EIF4G3: variants seen among roughly 807,000 people sequenced by gnomAD.
The protein encoded by EIF4G3 is eIF-4-gamma 3.
A neutral mutation model predicts 186.4 loss-of-function variants in EIF4G3; 34 were observed. The ratio of observed to expected loss-of-function variants is 0.18; its 90% confidence interval spans 0.14 to 0.24. The LOEUF is 0.24. Ranked by LOEUF, EIF4G3 falls within the 10% of genes least tolerant of loss-of-function variation. The pLI is 1.00. For missense variants in EIF4G3, 1,536 were observed against 1,948.5 expected, an observed-to-expected ratio of 0.79 and a Z score of 3.99; for synonymous variants, 673 against 679.5, an observed-to-expected ratio of 0.99 and a Z score of 0.15.
intron 36 of EIF4G3, among the ~76,000 whole-genome samples, chr1:20,807,797 T>C (rs908659684): frequency 4.0e-5 from 6 of 149,024 alleles, no homozygotes; most frequent in Middle Eastern, 6.8e-3. Flanking sequence ...ACAATCTTGT[T>C]CTGTCCCCAG....
At chr1:21,125,544 C>A (rs1036314438) in intron 2 of EIF4G3, among the ~76,000 whole-genome samples, 25 of 151,792 alleles carry the variant, frequency 1.6e-4, no homozygotes, top group African/African-American at 5.1e-4. Context: ...CACGGTGAAA[C>A]CCTGTCTCTA....
At chr1:21,152,615 T>C (rs1435233121) in intron 2 of EIF4G3, among the ~76,000 whole-genome samples, 1 of 152,204 alleles carries the variant, frequency 6.6e-6, no homozygotes, top group East Asian at 1.9e-4. Context: ...TGGTATCTAC[T>C]ACCATGACCC....
chr1:21,007,888 A>G (rs551452199), intron 4 of EIF4G3, among the ~76,000 whole-genome samples: 6 of 152,320 alleles, frequency 3.9e-5, no homozygotes, highest in Non-Finnish European at 7.4e-5. Context: ...TATTTTATAT[A>G]CTTCTGTATT....
intron 20 of EIF4G3, among the ~76,000 whole-genome samples, chr1:20,871,274 T>C (rs1259965555): frequency 6.6e-6 from 1 of 152,144 alleles, no homozygotes; most frequent in Non-Finnish European, 1.5e-5. Flanking sequence ...ATCTCAACAA[T>C]CTAGGCTGGG....
At chr1:21,071,701 G>A (rs1209410938) in intron 3 of EIF4G3, among the ~76,000 whole-genome samples, 1 of 151,904 alleles carries the variant, frequency 6.6e-6, no homozygotes, top group East Asian at 1.9e-4. Context: ...AGCTACTCAG[G>A]AGGCTGAGGC....
chr1:21,024,323 C>G (rs1314546102), intron 4 of EIF4G3, among the ~76,000 whole-genome samples: 1 of 152,124 alleles, frequency 6.6e-6, no homozygotes, highest in Non-Finnish European at 1.5e-5. Context: ...CCCGGCCAGC[C>G]GCCCCGACCG....
At chr1:21,047,140 A>G (rs2093938261) in intron 4 of EIF4G3, among the ~76,000 whole-genome samples, 2 of 152,166 alleles carry the variant, frequency 1.3e-5, no homozygotes, top group African/African-American at 2.4e-5. Context: ...CCTAGAACCT[A>G]TGGTTTGACT....
chr1:21,068,128 T>C (rs909507830), intron 3 of EIF4G3, among the ~76,000 whole-genome samples: 3 of 151,694 alleles, frequency 2.0e-5, no homozygotes, highest in Non-Finnish European at 4.4e-5. Flanking sequence ...ATCCCAGCAC[T>C]TTGGGAGGCC....
chr1:21,148,705 TAAAAAAAAA>T, intron 2 of EIF4G3, among the ~76,000 whole-genome samples: 1 of 108,970 alleles, frequency 9.2e-6, no homozygotes, highest in South Asian at 3.1e-4. Context: ...CTGTCTCATT[TAAAAAAAAA>T]AAAAAAAAAA....
At chr1:20,923,251 A>G (rs924621176) in intron 14 of EIF4G3, among the ~76,000 whole-genome samples, 1 of 152,202 alleles carries the variant, frequency 6.6e-6, no homozygotes, top group African/African-American at 2.4e-5. Flanking sequence ...TCATTAAAAA[A>G]ATAAAATGGC....
intron 14 of EIF4G3, among the ~76,000 whole-genome samples, chr1:20,910,864 T>TA (rs938845852): frequency 4.6e-5 from 7 of 152,210 alleles, no homozygotes; most frequent in African/African-American, 1.7e-4. Context: ...AATATTTATG[T>TA]AAAAACTGGA....
intron 2 of EIF4G3, among the ~76,000 whole-genome samples, chr1:21,101,537 T>C (rs1166939512): frequency 5.5e-5 from 6 of 108,458 alleles, no homozygotes; most frequent in Non-Finnish European, 1.1e-4. Flanking sequence ...ACCACTACAC[T>C]CTAGCCTGGG....
intron 4 of EIF4G3, among the ~76,000 whole-genome samples, chr1:21,043,181 A>G (rs1262379410): frequency 2.0e-5 from 3 of 152,222 alleles, no homozygotes; most frequent in African/African-American, 7.2e-5. Context: ...TCAAATGTAA[A>G]AGACAAAATC....
At chr1:21,123,675 G>A (rs2096968693) in intron 2 of EIF4G3, among the ~76,000 whole-genome samples, 1 of 152,048 alleles carries the variant, frequency 6.6e-6, no homozygotes, top group Non-Finnish European at 1.5e-5. Flanking sequence ...GGAAGTGAGT[G>A]GCAGGAAAAG....
chr1:21,046,066 A>G (rs1398678226), intron 4 of EIF4G3, among the ~76,000 whole-genome samples: 2 of 152,248 alleles, frequency 1.3e-5, no homozygotes, highest in African/African-American at 4.8e-5. Flanking sequence ...CTGACTCCCT[A>G]GAGTGCACTT....
intron 4 of EIF4G3, among the ~76,000 whole-genome samples, chr1:21,035,676 G>T (rs963556072): frequency 1.3e-5 from 2 of 152,272 alleles, no homozygotes; most frequent in Non-Finnish European, 2.9e-5. Context: ...GGGCAGGGGG[G>T]CAGTTCAGCG....
intron 10 of EIF4G3, among the ~76,000 whole-genome samples, chr1:20,978,762 C>T (rs1012339288): frequency 1.3e-5 from 2 of 151,512 alleles, no homozygotes; most frequent in African/African-American, 4.9e-5. Context: ...GAATGTATTC[C>T]CTGAGGATAA....
chr1:21,111,714 T>C (rs543927786), intron 2 of EIF4G3: 8 of 158,054 alleles, frequency 5.1e-5, no homozygotes, highest in Admixed American at 2.4e-4. Context: ...TTTGACAAAA[T>C]TCTGAAAGAT....
chr1:20,830,499 T>C (rs2064846592), intron 30 of EIF4G3, among the ~76,000 whole-genome samples: 1 of 152,210 alleles, frequency 6.6e-6, no homozygotes, highest in Non-Finnish European at 1.5e-5. Flanking sequence ...GTTCAGTTAA[T>C]GTACCACTGA....
Sources: allele counts gnomAD v4.1 joint callset (sites outside exome capture counted in the v4.1 genomes callset), GRCh38; gene constraint gnomAD v4.1.1; transcripts MANE v1.5; gene names NCBI Gene and HGNC (gene_info 2026-07-23, HGNC 2026-07-21).